Variants in ART3 observed in about 807,000 individuals in gnomAD.
ART3 encodes ecto-ADP-ribosyltransferase 3.
ART3 carries 49 observed loss-of-function variants against 48.5 expected under a neutral mutation model. The observed-to-expected ratio is 1.01, with a 90% CI of 0.80 to 1.28. The LOEUF is 1.28. Among genes scored for constraint, ART3 ranks in the 50% most tolerant of loss-of-function variants. The pLI is 0.00. For missense variants in ART3, 438 were observed against 454.3 expected (o/e 0.96, Z 0.33); for synonymous variants, 145 against 157.2 (o/e 0.92, Z 0.58).
intron 8 of ART3, among the ~76,000 whole-genome samples, chr4:76,103,086 G>T (rs9990550): frequency 0.57 from 86,155 of 151,958 alleles, 25,748 homozygotes; most frequent in East Asian, 0.98. Flanking sequence ...TCAAGCTGAT[G>T]GCATTTTTTT....
intron 1 of ART3, among the ~76,000 whole-genome samples, chr4:76,051,738 C>T (rs1367986666): frequency 2.0e-5 from 3 of 151,856 alleles, no homozygotes; most frequent in Admixed American, 6.6e-5. Context: ...GTTGGGGTTT[C>T]GCCATGTTGC....
At chr4:76,026,084 A>G (rs963956779) in intron 1 of ART3, among the ~76,000 whole-genome samples, 1 of 151,626 alleles carries the variant, frequency 6.6e-6, no homozygotes, top group Non-Finnish European at 1.5e-5. Context: ...ACCTCATATC[A>G]TTCCTTCTCA....
At chr4:76,049,627 C>A (rs1283896203) in intron 1 of ART3, among the ~76,000 whole-genome samples, 2 of 115,912 alleles carry the variant, frequency 1.7e-5, no homozygotes, top group Non-Finnish European at 3.5e-5. Context: ...GACAGGTGCC[C>A]GGTATTTAGC....
chr4:76,106,421 T>C (rs1728484055), intron 10 of ART3: 1 of 953,638 alleles, frequency 1.0e-6, no homozygotes, highest in African/African-American at 1.8e-5. Flanking sequence ...GAAAACAAAC[T>C]TGAGAGGCGC....
At chr4:76,040,724 C>T (rs995838740) in intron 1 of ART3, among the ~76,000 whole-genome samples, 5 of 152,070 alleles carry the variant, frequency 3.3e-5, no homozygotes, top group African/African-American at 1.2e-4. Context: ...GTCTGCTTTT[C>T]CTCAGAGCTA....
intron 1 of ART3, among the ~76,000 whole-genome samples, chr4:76,055,862 A>G (rs1409552084): frequency 6.6e-6 from 1 of 152,158 alleles, no homozygotes; most frequent in Non-Finnish European, 1.5e-5. Context: ...CCCTTAGAAA[A>G]TTTCAGACCA....
At chr4:76,105,956 A>G in intron 10 of ART3, 2 of 985,382 alleles carry the variant, frequency 2.0e-6, no homozygotes, top group Non-Finnish European at 2.4e-6. Flanking sequence ...ACCACACTCT[A>G]CAATCGTCCA....
At chr4:76,021,796 T>C (rs1412043305) in intron 1 of ART3, 2 of 854,082 alleles carry the variant, frequency 2.3e-6, no homozygotes, top group East Asian at 2.4e-5. Context: ...CCATCATTGG[T>C]CACCTTTTAG....
At chr4:76,063,650 A>G (rs1719444075) in intron 1 of ART3, among the ~76,000 whole-genome samples, 1 of 152,212 alleles carries the variant, frequency 6.6e-6, no homozygotes, top group South Asian at 2.1e-4. Flanking sequence ...GTATTTAAGT[A>G]GTCATGTATT....
Position 76,100,280 on chromosome 4 carries a change from C to T in ART3, c.848-11C>T, listed in dbSNP as rs6532189. 449,758 of 1,607,250 alleles carry T rather than the reference C, an allele frequency of 0.28. 64,975 individuals are homozygous for T. Among genetic ancestry groups the T allele is most frequent in the African/African-American group, 0.41 (30,888 of 74,684 alleles). On this transcript the variant is annotated splice_polypyrimidine_tract_variant and intron_variant, in intron 5 of 11. Transcript: ENST00000355810. Reference sequence around the variant, plus strand: ...TTGTTAAAACTGATGAACTTCTTTTCTGTGACTCAGGTGAGAAAAACCAGA... The same window carrying T: ...TTGTTAAAACTGATGAACTTCTTTTTTGTGACTCAGGTGAGAAAAACCAGA...
At chr4:76,032,454 A>G (rs1323294873) in intron 1 of ART3, among the ~76,000 whole-genome samples, 1 of 151,852 alleles carries the variant, frequency 6.6e-6, no homozygotes, top group Non-Finnish European at 1.5e-5. Context: ...CCATTCACCT[A>G]TGTTGGTCTC....
intron 8 of ART3, 113 bp downstream of exon 8, chr4:76,101,132 C>T (rs561747268): frequency 7.7e-6 from 10 of 1,292,444 alleles, no homozygotes; most frequent in Non-Finnish European, 9.8e-6. Context: ...GCAGAGCTCA[C>T]CTTAGCTTAC....
At chr4:76,051,013 G>A (rs1369009779) in intron 1 of ART3, among the ~76,000 whole-genome samples, 4 of 152,250 alleles carry the variant, frequency 2.6e-5, no homozygotes, top group Non-Finnish European at 5.9e-5. Context: ...CCCACGCGCA[G>A]CCCTGGTTCC....
chr4:76,086,081 G>A (rs111669017), intron 3 of ART3, among the ~76,000 whole-genome samples: 43 of 122,508 alleles, frequency 3.5e-4, no homozygotes, highest in African/African-American at 1.2e-3. Flanking sequence ...CTCCCTCCCC[G>A]CAGAAAAACA....
chr4:76,089,960 G>A (rs555456446), intron 3 of ART3, among the ~76,000 whole-genome samples: 1 of 152,192 alleles, frequency 6.6e-6, no homozygotes, highest in South Asian at 2.1e-4. Flanking sequence ...GGTACCTGTA[G>A]TCCCAGCTAC....
At chr4:76,029,961 T>G (rs1733725510) in intron 1 of ART3, among the ~76,000 whole-genome samples, 1 of 152,226 alleles carries the variant, frequency 6.6e-6, no homozygotes, top group African/African-American at 2.4e-5. Flanking sequence ...AACTATTCTT[T>G]CAGACCTCAG....
intron 3 of ART3, among the ~76,000 whole-genome samples, chr4:76,084,077 T>A (rs992636335): frequency 1.3e-5 from 2 of 152,166 alleles, no homozygotes; most frequent in Non-Finnish European, 2.9e-5. Flanking sequence ...TTTTTTAATA[T>A]CCAATCAGTA....
In ART3 at chr4:76,051,487, A is replaced by G. The variant is rs1736081595; in HGVS notation, c.-9-24394A>G. On this transcript the variant is annotated intron_variant, in intron 1 of 9. Transcript: ENST00000341029. ...TATAAATAACATTAAAATCATTAAG[A>G]CGTTGAGGAATAATGCATGTTTTAA... is the stretch of plus-strand genomic sequence containing the variant. 2.6e-5 allele frequency among the ~76,000 whole-genome samples: 4 copies of G among 152,316 alleles called. No individual in the cohort carries two copies. In the South Asian group the frequency reaches 8.3e-4, roughly 32 times the overall value.
At chr4:76,095,556 G>A (rs538445926) in intron 3 of ART3, among the ~76,000 whole-genome samples, 6 of 152,214 alleles carry the variant, frequency 3.9e-5, no homozygotes, top group African/African-American at 1.4e-4. Context: ...TTTCTATTCA[G>A]GAGGCCTTCA....
Sources: gnomAD v4.1 joint callset for allele counts (sites outside exome capture counted in the v4.1 genomes callset) on GRCh38, gnomAD v4.1.1 for gene constraint, MANE v1.5 for transcripts, NCBI Gene and HGNC (gene_info 2026-07-23, HGNC 2026-07-21) for gene names.